The following PTCHD4 variants were observed in gnomAD, a reference collection of about 807,000 sequenced individuals.
The protein encoded by PTCHD4 is patched domain containing 4.
PTCHD4 carries 33 observed loss-of-function variants against 58.1 expected under a neutral mutation model. That is an observed-to-expected ratio of 0.57 (90% confidence interval 0.43 to 0.76). The LOEUF (loss-of-function observed/expected upper bound fraction) is 0.76. Among genes scored for constraint, PTCHD4 ranks in the 30% least tolerant of loss-of-function variants. The probability of loss-of-function intolerance (pLI) is 0.00; values close to 1 mark genes in which losing one functional copy is unlikely to be tolerated. For synonymous variants in PTCHD4, 478 were observed against 409.6 expected, an observed-to-expected ratio of 1.17 and a Z score of -2.02; for missense variants, 1,058 against 1,027.1, an observed-to-expected ratio of 1.03 and a Z score of -0.41.
At chr6:47,887,127 T>A (rs1353109953) in intron 4 of PTCHD4, among the ~76,000 whole-genome samples, 8 of 151,948 alleles carry the variant, frequency 5.3e-5, no homozygotes, top group Non-Finnish European at 1.5e-5. Flanking sequence ...TTAAAGATAT[T>A]TGAACACATT....
At chr6:47,916,611 T>C (rs1238972867) in intron 4 of PTCHD4, among the ~76,000 whole-genome samples, 2 of 151,896 alleles carry the variant, frequency 1.3e-5, no homozygotes, top group Admixed American at 6.6e-5. Flanking sequence ...CTTACCCCCT[T>C]GAATCAAACT....
At position 47,871,274 on chromosome 6, in the gene PTCHD4, A is replaced by G. The variant is rs1239153793; in HGVS notation, c.*7029T>C. ...ATAGCAATGCCTTCCAGAGGAAAAG[A>G]AAACTTAAGTAAAATGCCAAATAAT... On this transcript the variant is annotated 3_prime_UTR_variant, in exon 5 of 5. Coordinates refer to ENST00000339488, the MANE Select transcript of PTCHD4 (RefSeq NM_001384253.1). Among the ~76,000 whole-genome samples, 1 of 151,674 alleles carries G rather than the reference A, an allele frequency of 6.6e-6. No homozygotes were observed. The highest frequency in any genetic ancestry group is 6.6e-5 in the Admixed American group (1 of 15,174).
chr6:48,089,462 G>T (rs1232991145), intron 1 of PTCHD4, among the ~76,000 whole-genome samples: 2 of 152,088 alleles, frequency 1.3e-5, no homozygotes, highest in African/African-American at 4.8e-5. Flanking sequence ...CTTAACACAT[G>T]TTAATGCATT....
intron 4 of PTCHD4, among the ~76,000 whole-genome samples, chr6:47,880,466 G>A (rs771616750): frequency 9.2e-5 from 14 of 152,000 alleles, no homozygotes; most frequent in African/African-American, 1.4e-4. Context: ...TAATCTCCTT[G>A]GTGGCCAAAT....
intron 4 of PTCHD4, among the ~76,000 whole-genome samples, chr6:47,923,419 A>G (rs570260452): frequency 3.3e-5 from 5 of 152,312 alleles, no homozygotes; most frequent in Admixed American, 1.3e-4. Context: ...TATAGCACTA[A>G]GCACTTTTGA....
chr6:47,920,514 A>G (rs1176631607), intron 4 of PTCHD4, among the ~76,000 whole-genome samples: 2 of 152,204 alleles, frequency 1.3e-5, no homozygotes, highest in South Asian at 4.1e-4. Context: ...TCTGTATCCC[A>G]GAAGAGAAAG....
At chr6:47,898,226 G>A (rs937694253) in intron 4 of PTCHD4, among the ~76,000 whole-genome samples, 4 of 152,086 alleles carry the variant, frequency 2.6e-5, no homozygotes, top group African/African-American at 4.8e-5. Context: ...TTACAGGCGT[G>A]AGCCACTGCA....
At chr6:47,900,164 T>A (rs1764651486) in intron 4 of PTCHD4, 1 of 152,200 alleles carries the variant, frequency 6.6e-6, no homozygotes, top group African/African-American at 2.4e-5. Context: ...AATTACTGAA[T>A]CAAAATGCTA....
chr6:48,107,005 C>T (rs569603222), intron 1 of PTCHD4, among the ~76,000 whole-genome samples: 354 of 152,228 alleles, frequency 2.3e-3, no homozygotes, highest in Admixed American at 5.3e-3. Flanking sequence ...GAATCAATAT[C>T]GTGAAAATAG....
chr6:47,990,866 A>G (rs1017662220), intron 4 of PTCHD4, among the ~76,000 whole-genome samples: 12 of 152,210 alleles, frequency 7.9e-5, no homozygotes, highest in African/African-American at 2.7e-4. Context: ...AATATTTTAA[A>G]ATTTAATGAA....
intron 3 of PTCHD4, among the ~76,000 whole-genome samples, chr6:48,060,007 A>G (rs72869968): frequency 0.21 from 32,187 of 152,102 alleles, 3,704 homozygotes; most frequent in South Asian, 0.27. Flanking sequence ...ATCCATGATA[A>G]TTTGTAATTA....
chr6:48,015,950 G>T (rs371634501), intron 3 of PTCHD4, among the ~76,000 whole-genome samples: 2 of 151,978 alleles, frequency 1.3e-5, no homozygotes, highest in South Asian at 2.1e-4. Context: ...AGGACAAGTA[G>T]GAGACAGATC....
intron 4 of PTCHD4, among the ~76,000 whole-genome samples, chr6:47,956,376 T>G (rs1283548602): frequency 6.6e-6 from 1 of 152,166 alleles, no homozygotes; most frequent in East Asian, 1.9e-4. Flanking sequence ...TTGCTCAGGA[T>G]CAAAGAGCTA....
intron 4 of PTCHD4, among the ~76,000 whole-genome samples, chr6:47,883,433 C>T (rs753956237): frequency 9.2e-5 from 14 of 152,100 alleles, no homozygotes; most frequent in African/African-American, 2.9e-4. Context: ...CTTCTATTGT[C>T]GTATAATGAG....
chr6:47,958,836 G>A (rs1766970235), intron 4 of PTCHD4, among the ~76,000 whole-genome samples: 1 of 152,188 alleles, frequency 6.6e-6, no homozygotes, highest in Admixed American at 6.5e-5. Context: ...ACATCTAGTG[G>A]GGCATTGGTA....
chr6:48,056,853 T>C (rs1764422642), intron 3 of PTCHD4, among the ~76,000 whole-genome samples: 1 of 152,230 alleles, frequency 6.6e-6, no homozygotes, highest in East Asian at 1.9e-4. Context: ...CACTGAAGTC[T>C]GTGCTGAAGT....
At chr6:47,897,063 C>T (rs540004141) in intron 4 of PTCHD4, among the ~76,000 whole-genome samples, 2 of 152,150 alleles carry the variant, frequency 1.3e-5, no homozygotes, top group South Asian at 2.1e-4. Flanking sequence ...TCTGAGCTCC[C>T]GTGTTTTCTG....
intron 3 of PTCHD4, among the ~76,000 whole-genome samples, chr6:48,022,421 C>T (rs557591446): frequency 3.9e-5 from 6 of 151,980 alleles, no homozygotes; most frequent in African/African-American, 1.4e-4. Flanking sequence ...GACAGACATG[C>T]TTTGAAAATA....
chr6:47,904,990 C>T (rs1373390810), intron 4 of PTCHD4, among the ~76,000 whole-genome samples: 1 of 144,456 alleles, frequency 6.9e-6, no homozygotes, highest in Admixed American at 7.2e-5. Flanking sequence ...AAATGATGTG[C>T]AAAGGTGGTA....
Sources: allele counts gnomAD v4.1 joint callset (sites outside exome capture counted in the v4.1 genomes callset), GRCh38; gene constraint gnomAD v4.1.1; transcripts MANE v1.5; gene names NCBI Gene and HGNC (gene_info 2026-07-23, HGNC 2026-07-21).